BAZ2B: variants seen among roughly 807,000 people sequenced by gnomAD.
BAZ2B encodes bromodomain adjacent to zinc finger domain 2B.
Under a neutral mutation model 246.0 loss-of-function variants are expected in BAZ2B, and 91 were observed. The ratio of observed to expected loss-of-function variants is 0.37; its 90% CI spans 0.31 to 0.44. The LOEUF is 0.44. Ranked by LOEUF, BAZ2B falls within the 20% of genes least tolerant of loss-of-function variation. The pLI is 1.00. For missense variants in BAZ2B, 2,332 were observed against 2,533.7 expected (o/e 0.92, Z 1.71); for synonymous variants, 855 against 860.0 (o/e 0.99, Z 0.10).
rs535134330 is a variant in BAZ2B, at chr2:159,413,725, T to C, written c.2467-1180A>G. 7.2e-5 allele frequency among the ~76,000 whole-genome samples: 11 copies of C among 151,862 alleles called. No individual in the cohort carries two copies. In the South Asian group the frequency reaches 2.3e-3, roughly 32 times the overall value. On this transcript the variant is annotated intron_variant, in intron 13 of 36. Coordinates refer to ENST00000392783, the MANE Select transcript of BAZ2B (RefSeq NM_013450.4). Reference sequence around the variant, plus strand: ...CTTCATCTCTAAATAAATAAATAAATAAATAGATAAACTGTTAAGAAAATT... The same window carrying C: ...CTTCATCTCTAAATAAATAAATAAACAAATAGATAAACTGTTAAGAAAATT...
At chr2:159,646,056 G>A in the BAZ2B span, among the ~76,000 whole-genome samples, 4 of 152,146 alleles carry the variant, frequency 2.6e-5, no homozygotes, top group Admixed American at 1.3e-4. Context: ...AAATTTATTA[G>A]GTGGGAATTT....
At chr2:159,673,662 T>C in the BAZ2B span, among the ~76,000 whole-genome samples, 1 of 148,306 alleles carries the variant, frequency 6.7e-6, no homozygotes, top group African/African-American at 2.6e-5. Context: ...ACATCACAAA[T>C]TATGTAGCTG....
At chr2:159,315,601 A>G (rs1451674259), downstream of BAZ2B, among the ~76,000 whole-genome samples, 2 of 152,214 alleles carry the variant, frequency 1.3e-5, no homozygotes, top group Admixed American at 1.3e-4. Context: ...CAAGTAATCC[A>G]AGAGAACAAG....
intron 1 of BAZ2B, among the ~76,000 whole-genome samples, chr2:159,594,192 G>A (rs6432540): frequency 0.41 from 62,538 of 152,092 alleles, 13,287 homozygotes; most frequent in African/African-American, 0.5. Context: ...CTACCTTGTG[G>A]TCAGGGGATC....
At chr2:159,484,856 AC>A (rs1242208594) in intron 2 of BAZ2B, among the ~76,000 whole-genome samples, 2 of 152,216 alleles carry the variant, frequency 1.3e-5, no homozygotes, top group African/African-American at 4.8e-5. Context: ...AAGTATAGCC[AC>A]AGATTAAAGA....
intron 16 of BAZ2B, among the ~76,000 whole-genome samples, chr2:159,403,927 C>G (rs1323806508): frequency 6.6e-6 from 1 of 152,116 alleles, no homozygotes; most frequent in Admixed American, 6.6e-5. Flanking sequence ...TAACTGTAGG[C>G]TGACTGACTA....
chr2:159,574,482 TAA>T (rs1684812248), intron 1 of BAZ2B, among the ~76,000 whole-genome samples: 1 of 152,160 alleles, frequency 6.6e-6, no homozygotes, highest in South Asian at 2.1e-4. Flanking sequence ...CTCAATAAGT[TAA>T]ACAGAGTTAT....
At chr2:159,510,911 G>T (rs2082853078) in intron 2 of BAZ2B, among the ~76,000 whole-genome samples, 1 of 151,638 alleles carries the variant, frequency 6.6e-6, no homozygotes, top group Admixed American at 6.6e-5. Context: ...GACATCTCTG[G>T]TTTTTTTAAT....
intron 1 of BAZ2B, among the ~76,000 whole-genome samples, chr2:159,597,471 T>C (rs1464769202): frequency 6.6e-6 from 1 of 152,232 alleles, no homozygotes; most frequent in African/African-American, 2.4e-5. Context: ...TCCTTGATCA[T>C]CTAAAGAAAC....
chr2:159,546,301 T>C (rs952373789), intron 2 of BAZ2B, among the ~76,000 whole-genome samples: 1 of 151,836 alleles, frequency 6.6e-6, no homozygotes. Flanking sequence ...ATCTGATGGT[T>C]TTAAAAACGG....
intron 27 of BAZ2B, among the ~76,000 whole-genome samples, chr2:159,352,397 T>C (rs973474667): frequency 2.6e-5 from 4 of 152,140 alleles, no homozygotes; most frequent in East Asian, 1.9e-4. Flanking sequence ...ACATTAATCA[T>C]GATGTTTGTT....
At position 159,334,308 on chromosome 2, in the gene BAZ2B, T is replaced by C. The variant is rs1197731210; in HGVS notation, c.5797-1622A>G. 2.0e-5 allele frequency among the ~76,000 whole-genome samples: 3 copies of C among 152,314 alleles called. No individual in the cohort carries two copies. In the East Asian group the frequency reaches 5.8e-4, roughly 29 times the overall value. ...ACAATATGTTACAGTAAATATATTA[T>C]TATTTGGTTTTAATTCCTCTGCTAC... is the stretch of plus-strand genomic sequence containing the variant. On this transcript the variant is annotated intron_variant, in intron 33 of 36. Transcript: ENST00000392783.
chr2:159,686,443 G>C, the BAZ2B span, among the ~76,000 whole-genome samples: 7 of 152,076 alleles, frequency 4.6e-5, no homozygotes, highest in African/African-American at 1.2e-4. Context: ...AAATACATAA[G>C]GCAAACCAAA....
chr2:159,603,355 C>T (rs934058001), intron 1 of BAZ2B, among the ~76,000 whole-genome samples: 2 of 152,084 alleles, frequency 1.3e-5, no homozygotes, highest in African/African-American at 4.8e-5. Context: ...TTTAAAATGC[C>T]GTAAGGAGGC....
chr2:159,448,056 C>T (rs543215197), intron 5 of BAZ2B, among the ~76,000 whole-genome samples, 186 bp downstream of exon 5: 16 of 151,784 alleles, frequency 1.1e-4, no homozygotes, highest in African/African-American at 2.7e-4. Context: ...CCCAGGAGGA[C>T]GAGGCTACAG....
the BAZ2B span, among the ~76,000 whole-genome samples, chr2:159,662,961 CCTT>C: frequency 6.6e-6 from 1 of 151,978 alleles, no homozygotes; most frequent in Admixed American, 6.6e-5. Flanking sequence ...CATTTATATA[CCTT>C]CTTTAGATAA....
chr2:159,422,558 T>C (rs1303551412), intron 13 of BAZ2B, among the ~76,000 whole-genome samples: 1 of 152,190 alleles, frequency 6.6e-6, no homozygotes, highest in Non-Finnish European at 1.5e-5. Context: ...ATATTGAAAC[T>C]GGACCTCTTC....
intron 27 of BAZ2B, among the ~76,000 whole-genome samples, chr2:159,352,447 A>G (rs2058664351): frequency 6.6e-6 from 1 of 151,378 alleles, no homozygotes; most frequent in Non-Finnish European, 1.5e-5. Flanking sequence ...TAGAATTTAA[A>G]TCAACAAGCT....
chr2:159,519,474 C>T (rs911771784), intron 2 of BAZ2B, among the ~76,000 whole-genome samples: 2 of 149,970 alleles, frequency 1.3e-5, no homozygotes, highest in Non-Finnish European at 3.0e-5. Flanking sequence ...TCATGATCCA[C>T]CCGCCTCGGC....
Sources: gnomAD v4.1 joint callset for allele counts (sites outside exome capture counted in the v4.1 genomes callset) on GRCh38, gnomAD v4.1.1 for gene constraint, MANE v1.5 for transcripts, NCBI Gene and HGNC (gene_info 2026-07-23, HGNC 2026-07-21) for gene names.